The following MAP3K15 variants were observed in gnomAD, a reference collection of about 807,000 sequenced individuals.
The protein encoded by MAP3K15 is MAPK/ERK kinase kinase 15.
Under a neutral mutation model 99.5 loss-of-function variants are expected in MAP3K15, and 124 were observed. The ratio of observed to expected loss-of-function variants is 1.25; its 90% confidence interval spans 1.08 to 1.45. The LOEUF (loss-of-function observed/expected upper bound fraction) is 1.45. MAP3K15 is among the 40% of genes most tolerant of loss of function. The pLI, the probability that MAP3K15 is intolerant of heterozygous loss-of-function variation, is 0.00. For missense variants in MAP3K15, 1,242 were observed against 1,079.7 expected, an observed-to-expected ratio of 1.15 and a Z score of -2.11; for synonymous variants, 494 against 439.6, an observed-to-expected ratio of 1.12 and a Z score of -1.55.
At chrX:19,373,461 C>T in intron 21 of MAP3K15, 75 bp downstream of exon 21, 1 of 1,118,467 alleles carries the variant, frequency 8.9e-7, no homozygotes, top group Non-Finnish European at 1.2e-6. Context: ...TGGTTGGGAC[C>T]AGGGAGGTGC....
intron 12 of MAP3K15, among the ~76,000 whole-genome samples, chrX:19,408,889 C>T (rs979541203): frequency 2.2e-4 from 24 of 111,269 alleles, no homozygotes; most frequent in African/African-American, 5.9e-4. Flanking sequence ...TGATATTTTC[C>T]GAGTCTAGAA....
At chrX:19,489,340 C>T in intron 1 of MAP3K15, among the ~76,000 whole-genome samples, 1 of 111,379 alleles carries the variant, frequency 9.0e-6, no homozygotes, top group Non-Finnish European at 1.9e-5. Flanking sequence ...CAGAGGGTTA[C>T]CTGCACTCAG....
intron 1 of MAP3K15, among the ~76,000 whole-genome samples, chrX:19,493,284 T>C (rs2064379717): frequency 1.0e-5 from 1 of 99,630 alleles, no homozygotes; most frequent in African/African-American, 3.8e-5. Context: ...CCCACCGGCC[T>C]ACCAAGGATT....
At chrX:19,501,438 C>T (rs2064439872) in intron 1 of MAP3K15, among the ~76,000 whole-genome samples, 1 of 111,906 alleles carries the variant, frequency 8.9e-6, no homozygotes, top group Non-Finnish European at 1.9e-5. Context: ...GTCAGATATG[C>T]ACCACTGAAG....
At chrX:19,500,546 C>T (rs1267109405) in intron 1 of MAP3K15, among the ~76,000 whole-genome samples, 11 of 111,035 alleles carry the variant, frequency 9.9e-5, no homozygotes, top group Non-Finnish European at 2.1e-4. Context: ...CCAGGACTCA[C>T]CCACTACTCA....
chrX:19,418,916 G>A (rs1419761878), intron 9 of MAP3K15, among the ~76,000 whole-genome samples: 1 of 111,627 alleles, frequency 9.0e-6, no homozygotes, highest in Non-Finnish European at 1.9e-5. Flanking sequence ...TTTCAACCCA[G>A]AATTTCATAT....
intron 16 of MAP3K15, 81 bp from the exon 17 acceptor site, chrX:19,392,554 TCTAAC>T (rs1297775605): frequency 3.9e-6 from 4 of 1,013,431 alleles, no homozygotes; most frequent in Admixed American, 5.0e-5. Context: ...AGGTGAGGTT[TCTAAC>T]CTAACCTAAG....
chrX:19,404,230 C>T (rs183087514), intron 13 of MAP3K15, among the ~76,000 whole-genome samples: 13 of 111,273 alleles, frequency 1.2e-4, no homozygotes, highest in African/African-American at 4.2e-4. Context: ...AGTGAACATC[C>T]AAAAGTGAAA....
chrX:19,417,979 G>T (rs2063750759), intron 9 of MAP3K15, among the ~76,000 whole-genome samples: 1 of 112,222 alleles, frequency 8.9e-6, no homozygotes, highest in Non-Finnish European at 1.9e-5. Flanking sequence ...GCAGCTGAGG[G>T]TCCTGAGTGT....
chrX:19,488,820 C>T lies in MAP3K15; in HGVS notation c.501+8G>A, dbSNP rs1569241314. The T allele has an allele frequency of 2.5e-6, 3 of 1,195,914 alleles. No individual in the cohort carries two copies. Among genetic ancestry groups the T allele is most frequent in the Non-Finnish European group, 3.4e-6 (3 of 892,001 alleles). On this transcript the variant is annotated splice_region_variant and intron_variant, in intron 2 of 28. Transcript: ENST00000338883. ...CAAAGTACTCAGGAGAAGGTGAATA[C>T]ACTGTACCTTCAAAGAGAGAGCAGT...
chrX:19,515,384 G>T lies in MAP3K15; in HGVS notation c.-123C>A, dbSNP rs190448554. 0.016 allele frequency: 6,345 copies of T among 386,466 alleles called. 374 individuals are homozygous for T. The highest frequency in any genetic ancestry group is 0.16 in the African/African-American group (5,889 of 36,587). The allele number at this position is 386,466 out of a possible 1,213,427, so 31.8% of individuals were successfully genotyped here. On this transcript the variant is annotated 5_prime_UTR_variant, in exon 1 of 29. Coordinates refer to ENST00000338883, the MANE Select transcript of MAP3K15 (RefSeq NM_001001671.4). ...TGCTCCTGAAGCGCGGGACGCTACGGGAATCGAGGGAACGGAGCGCACCGG... is the reference window on the plus strand; with the variant it reads ...TGCTCCTGAAGCGCGGGACGCTACGTGAATCGAGGGAACGGAGCGCACCGG...
At chrX:19,424,235 CAT>C (rs1224792383) in intron 9 of MAP3K15, among the ~76,000 whole-genome samples, 11 of 87,403 alleles carry the variant, frequency 1.3e-4, no homozygotes, top group Non-Finnish European at 2.0e-4. Context: ...TATGTACACA[CAT>C]ATATATACAT....
chrX:19,426,278 A>T lies in MAP3K15; in HGVS notation c.1232T>A (p.Ile411Asn), dbSNP rs767378215. The T allele has an allele frequency of 7.7e-6, 9 of 1,172,490 alleles. No homozygotes were observed. Among genetic ancestry groups the T allele is most frequent in the African/African-American group, 1.8e-5 (1 of 56,506 alleles). Residue 411 changes from isoleucine to asparagine, a missense_variant, in exon 8 of 29, where the codon ATT becomes AAT. Physicochemically the swap from Ile to Asn is moderately radical, Grantham distance 149. Coordinates refer to ENST00000338883, the MANE Select transcript of MAP3K15 (RefSeq NM_001001671.4). ...AGTTTCAAATTGTTGTCCAGCAACA[A>T]TCAGCAAAACTGCAAGATTAATTCC... The part of the protein sequence containing the change: ...YSGINLAVLL[I>N]VAGQQFETSL...
chrX:19,493,830 C>CA lies in MAP3K15; in HGVS notation c.362-4864dup, dbSNP rs1311875027. ...AGTACAGCATGAACAAGTCAGGGCTCAAAATCAGCTTTTCCAACCCCAAGT... is the reference window on the plus strand; with the variant it reads ...AGTACAGCATGAACAAGTCAGGGCTCAAAAATCAGCTTTTCCAACCCCAAGT... On this transcript the variant is annotated intron_variant, in intron 1 of 28. Coordinates refer to ENST00000338883, the MANE Select transcript of MAP3K15 (RefSeq NM_001001671.4). Among the ~76,000 whole-genome samples, 10 of 111,035 alleles carry CA rather than the reference C, an allele frequency of 9.0e-5. No homozygotes were observed. In the Admixed American group the frequency reaches 9.7e-4, roughly 11 times the overall value.
chrX:19,361,036 A>T, intron 28 of MAP3K15: 1 of 420,885 alleles, frequency 2.4e-6, no homozygotes, highest in Non-Finnish European at 4.1e-6. Flanking sequence ...ACTCGGGAAC[A>T]AGAAGGCAGG....
chrX:19,447,287 C>A (rs1222987745), intron 6 of MAP3K15, among the ~76,000 whole-genome samples: 1 of 111,477 alleles, frequency 9.0e-6, no homozygotes, highest in Non-Finnish European at 1.9e-5. Context: ...AGGAGGAGAA[C>A]TGGGATAGAA....
chrX:19,472,486 A>C (rs1310506630), intron 3 of MAP3K15, among the ~76,000 whole-genome samples: 1 of 111,317 alleles, frequency 9.0e-6, no homozygotes, highest in Non-Finnish European at 1.9e-5. Context: ...AATGTAATAC[A>C]TTTGAAAATA....
chrX:19,506,453 A>C (rs773807307), intron 1 of MAP3K15, among the ~76,000 whole-genome samples: 13 of 112,293 alleles, frequency 1.2e-4, no homozygotes, highest in South Asian at 3.7e-4. Context: ...CAGCCAGAAA[A>C]GGAGTATCAT....
chrX:19,415,701 T>C (rs1433802727), intron 9 of MAP3K15, among the ~76,000 whole-genome samples: 1 of 109,632 alleles, frequency 9.1e-6, no homozygotes, highest in Non-Finnish European at 1.9e-5. Context: ...GCAGATAAAC[T>C]GTGAAGCCTA....
Sources: gnomAD v4.1 joint callset for allele counts (sites outside exome capture counted in the v4.1 genomes callset) on GRCh38, gnomAD v4.1.1 for gene constraint, MANE v1.5 for transcripts, NCBI Gene and HGNC (gene_info 2026-07-23, HGNC 2026-07-21) for gene names.